ALK: variants seen among roughly 807,000 people sequenced by gnomAD.
ALK encodes ALK receptor tyrosine kinase.
A neutral mutation model predicts 163.1 loss-of-function variants in ALK; 74 were observed. The ratio of observed to expected loss-of-function variants is 0.45; its 90% CI spans 0.38 to 0.55. The LOEUF is 0.55. ALK is among the 20% of genes least tolerant of loss of function. ALK has a pLI of 0.00. For synonymous variants in ALK, 960 were observed against 843.2 expected (o/e 1.14, Z -2.40); for missense variants, 2,063 against 2,105.3 (o/e 0.98, Z 0.39).
In ALK at chr2:29,581,561, T is replaced by G. The variant is rs113577525; in HGVS notation, c.953-49445A>C. On this transcript the variant is annotated intron_variant, in intron 3 of 28. Coordinates refer to ENST00000389048, the MANE Select transcript of ALK (RefSeq NM_004304.5). ...CCCACCAGCTCTGCTCTCCTCTCCC[T>G]GCTGTCAGTGCACTGGAGGGAGGAG... Among the ~76,000 whole-genome samples the G allele has an allele frequency of 9.1e-3, 1,383 of 152,248 alleles. 21 individuals are homozygous for G. The highest frequency in any genetic ancestry group is 0.031 in the African/African-American group (1,294 of 41,556).
chr2:29,885,279 C>A (rs911827568), intron 1 of ALK, among the ~76,000 whole-genome samples: 1 of 152,102 alleles, frequency 6.6e-6, no homozygotes, highest in Non-Finnish European at 1.5e-5. Flanking sequence ...TGTAGTTCAG[C>A]CTCTAGATCA....
At chr2:29,637,917 C>G (rs7584883) in intron 3 of ALK, among the ~76,000 whole-genome samples, 96,986 of 151,778 alleles carry the variant, frequency 0.64, 31,907 homozygotes, top group Middle Eastern at 0.75. Flanking sequence ...TTAATTAAAA[C>G]ATATATAGTT....
intron 27 of ALK, among the ~76,000 whole-genome samples, chr2:29,197,141 A>G (rs1014771782): frequency 3.9e-5 from 6 of 152,172 alleles, no homozygotes; most frequent in African/African-American, 1.4e-4. Context: ...TATATTTCCC[A>G]TCCACGTTGC....
At chr2:29,403,709 C>CAAAAAAAAAAAAAAAA (rs67270103) in intron 4 of ALK, among the ~76,000 whole-genome samples, 1 of 74,182 alleles carries the variant, frequency 1.3e-5, no homozygotes, top group Non-Finnish European at 2.2e-5. Context: ...CAGGTCTCTA[C>CAAAAAAAAAAAAAAAA]AAAAAAAAAA....
intron 4 of ALK, among the ~76,000 whole-genome samples, chr2:29,503,485 T>C (rs1672238397): frequency 6.6e-6 from 1 of 152,208 alleles, no homozygotes; most frequent in African/African-American, 2.4e-5. Context: ...AGGATACAGA[T>C]ATGAAAAAGC....
chr2:29,420,698 T>G (rs757151948), intron 4 of ALK, among the ~76,000 whole-genome samples: 4 of 151,434 alleles, frequency 2.6e-5, no homozygotes, highest in Non-Finnish European at 5.9e-5. Flanking sequence ...GCAGAGTGGA[T>G]CGTATGCAGA....
chr2:29,850,975 C>T (rs1665975139), intron 1 of ALK, among the ~76,000 whole-genome samples: 1 of 152,178 alleles, frequency 6.6e-6, no homozygotes. Flanking sequence ...TTTGTCTTGT[C>T]CTCTCACCCA....
At chr2:29,412,947 TC>T (rs765993936) in intron 4 of ALK, among the ~76,000 whole-genome samples, 17 of 152,348 alleles carry the variant, frequency 1.1e-4, no homozygotes, top group Non-Finnish European at 1.6e-4. Flanking sequence ...ATGAAGTAGA[TC>T]CTTTAATAGC....
intron 11 of ALK, among the ~76,000 whole-genome samples, chr2:29,269,742 C>T (rs1162102340): frequency 6.6e-6 from 1 of 152,204 alleles, no homozygotes; most frequent in Non-Finnish European, 1.5e-5. Context: ...TGACCAGTGT[C>T]TCAAGCGGCT....
chr2:29,425,745 G>A (rs193252854), intron 4 of ALK, among the ~76,000 whole-genome samples: 1 of 152,162 alleles, frequency 6.6e-6, no homozygotes, highest in African/African-American at 2.4e-5. Context: ...GATCTTCAAA[G>A]TTCTCCCCAA....
intron 3 of ALK, among the ~76,000 whole-genome samples, chr2:29,620,352 T>A (rs1675995101): frequency 6.6e-6 from 1 of 152,162 alleles, no homozygotes; most frequent in Non-Finnish European, 1.5e-5. Context: ...GTGTCCAAAT[T>A]TCCACCTCTT....
At chr2:29,410,373 C>T (rs1316084307) in intron 4 of ALK, among the ~76,000 whole-genome samples, 1 of 152,210 alleles carries the variant, frequency 6.6e-6, no homozygotes, top group African/African-American at 2.4e-5. Flanking sequence ...CCACCTTCTG[C>T]CTTTGCTTCA....
chr2:29,554,786 A>C lies in ALK; in HGVS notation c.953-22670T>G, dbSNP rs554220115. On this transcript the variant is annotated intron_variant, in intron 3 of 28. Coordinates refer to ENST00000389048, the MANE Select transcript of ALK (RefSeq NM_004304.5). ...ATGCCACAGGATGAGATAGGAGGTC[A>C]GTACAAGATACAGGTCATAAAGACC... Among the ~76,000 whole-genome samples, 48 of 152,288 alleles carry C rather than the reference A, an allele frequency of 3.2e-4. No homozygotes were observed. In the South Asian group the frequency reaches 3.3e-3, roughly 11 times the overall value.
chr2:29,694,445 G>A (rs760483218), intron 3 of ALK, among the ~76,000 whole-genome samples: 30 of 152,202 alleles, frequency 2.0e-4, no homozygotes, highest in Non-Finnish European at 2.6e-4. Flanking sequence ...GTAGTTCTTA[G>A]TTTAAGTGTG....
rs188619311 is a variant in ALK, at chr2:29,400,256, A to G, written c.1155-16397T>C. Among the ~76,000 whole-genome samples, 3 of 152,366 alleles carry G rather than the reference A, an allele frequency of 2.0e-5. No individual in the cohort carries two copies. In the East Asian group the frequency reaches 5.8e-4, roughly 29 times the overall value. On this transcript the variant is annotated intron_variant, in intron 4 of 28. Coordinates refer to ENST00000389048, the MANE Select transcript of ALK (RefSeq NM_004304.5). ...TGATATTAAGTATTAGTAAAATTCA[A>G]TATCTTATTTTAAAATTAGTGATAA...
intron 3 of ALK, among the ~76,000 whole-genome samples, chr2:29,589,241 CCCTCACTTGCATTTGCCTTCT>C (rs986380497): frequency 9.9e-5 from 15 of 152,166 alleles, no homozygotes; most frequent in Non-Finnish European, 2.2e-4. Context: ...ATGCTATTCT[CCCTCACTTGCATTTGCCTTCT>C]CCAGGTAGGA....
chr2:29,550,005 T>G (rs1673673434), intron 3 of ALK, among the ~76,000 whole-genome samples: 1 of 152,142 alleles, frequency 6.6e-6, no homozygotes, highest in Non-Finnish European at 1.5e-5. Flanking sequence ...CTATTACAAT[T>G]CAGGTCCCTT....
intron 8 of ALK, among the ~76,000 whole-genome samples, chr2:29,303,219 C>T (rs1666417996): frequency 6.6e-6 from 1 of 152,020 alleles, no homozygotes; most frequent in African/African-American, 2.4e-5. Context: ...TTTGTCTGGG[C>T]AAAGGACATT....
At chr2:29,301,516 TTAGAGG>T (rs1666369208) in intron 8 of ALK, among the ~76,000 whole-genome samples, 1 of 152,210 alleles carries the variant, frequency 6.6e-6, no homozygotes, top group Non-Finnish European at 1.5e-5. Flanking sequence ...GGCTTTCCTC[TTAGAGG>T]TAGTCAATCA....
Sources: gnomAD v4.1 joint callset for allele counts (sites outside exome capture counted in the v4.1 genomes callset) on GRCh38, gnomAD v4.1.1 for gene constraint, MANE v1.5 for transcripts, NCBI Gene and HGNC (gene_info 2026-07-23, HGNC 2026-07-21) for gene names.